Variants in PDE1A observed in about 807,000 individuals in gnomAD.
The protein encoded by PDE1A is dual specificity calcium/calmodulin-dependent 3',5'-cyclic nucleotide phosphodiesterase 1A.
A neutral mutation model predicts 61.7 loss-of-function variants in PDE1A; 35 were observed. The observed-to-expected ratio is 0.57, with a 90% CI of 0.43 to 0.75. PDE1A has a LOEUF of 0.75. PDE1A is among the 30% of genes least tolerant of loss of function. PDE1A has a pLI of 0.00. For synonymous variants in PDE1A, 232 were observed against 213.2 expected (o/e 1.09, Z -0.77); for missense variants, 597 against 630.6 (o/e 0.95, Z 0.57).
the PDE1A span, among the ~76,000 whole-genome samples, chr2:182,633,333 A>G: frequency 6.6e-6 from 1 of 152,214 alleles, no homozygotes; most frequent in African/African-American, 2.4e-5. Context: ...ACCCTGTTGC[A>G]TTCTGCTCCA....
chr2:182,429,893 T>C (rs922471193), upstream of PDE1A, among the ~76,000 whole-genome samples: 1 of 152,170 alleles, frequency 6.6e-6, no homozygotes, highest in Non-Finnish European at 1.5e-5. Flanking sequence ...GGAAAATGCA[T>C]GGGTCTGCAG....
intron 1 of PDE1A, among the ~76,000 whole-genome samples, chr2:182,415,919 C>A (rs1327477019): frequency 6.6e-6 from 1 of 152,148 alleles, no homozygotes; most frequent in African/African-American, 2.4e-5. Flanking sequence ...CAAAGAAGAA[C>A]CATATGCCTG....
At chr2:182,539,208 T>C in the PDE1A span, among the ~76,000 whole-genome samples, 400 of 152,336 alleles carry the variant, frequency 2.6e-3, 5 homozygotes, top group African/African-American at 9.2e-3. Flanking sequence ...ATGGTTTATT[T>C]TACTCATAGT....
chr2:182,434,800 G>T (rs1384280126), intron 2 of PDE1A, among the ~76,000 whole-genome samples: 1 of 151,838 alleles, frequency 6.6e-6, no homozygotes, highest in Non-Finnish European at 1.5e-5. Context: ...CTTTATACTA[G>T]ATTCCCTTGA....
intron 1 of PDE1A, among the ~76,000 whole-genome samples, chr2:182,380,329 G>A (rs1226491460): frequency 6.6e-6 from 1 of 151,716 alleles, no homozygotes; most frequent in African/African-American, 2.4e-5. Flanking sequence ...AGTCAGGATG[G>A]TCTCGATCTC....
intron 10 of PDE1A, among the ~76,000 whole-genome samples, chr2:182,193,476 C>A (rs1685883423): frequency 6.6e-6 from 1 of 151,974 alleles, no homozygotes; most frequent in Admixed American, 6.6e-5. Context: ...TGGAGACATT[C>A]TAAGGCTGAG....
the PDE1A span, among the ~76,000 whole-genome samples, chr2:182,601,964 C>A: frequency 2.6e-5 from 4 of 152,228 alleles, no homozygotes; most frequent in Admixed American, 2.6e-4. Flanking sequence ...GTGGGACTGG[C>A]AGCCCAGCCC....
chr2:182,201,713 T>G (rs373584098), exon 9 of PDE1A: 3 of 1,609,124 alleles, frequency 1.9e-6, no homozygotes, highest in Non-Finnish European at 2.5e-6. Context: ...AAACTGTTTC[T>G]TATATTTTTA....
the PDE1A span, among the ~76,000 whole-genome samples, chr2:182,692,421 A>G: frequency 1.3e-5 from 2 of 152,080 alleles, no homozygotes. Flanking sequence ...TTGCAAGGAT[A>G]AAAAACCAAA....
chr2:182,153,333 TG>T (rs1690893902), intron 13 of PDE1A, among the ~76,000 whole-genome samples: 1 of 152,056 alleles, frequency 6.6e-6, no homozygotes, highest in African/African-American at 2.4e-5. Flanking sequence ...ATGCTGTTAG[TG>T]AAGGGATGAG....
At chr2:182,376,919 G>A (rs571021378) in intron 1 of PDE1A, among the ~76,000 whole-genome samples, 32 of 152,252 alleles carry the variant, frequency 2.1e-4, no homozygotes, top group South Asian at 1.5e-3. Flanking sequence ...ATCAGATTTC[G>A]TGAGACTTAT....
the PDE1A span, among the ~76,000 whole-genome samples, chr2:182,712,502 A>G: frequency 1.3e-5 from 2 of 152,214 alleles, no homozygotes; most frequent in Non-Finnish European, 2.9e-5. Flanking sequence ...GGTTGAGGAA[A>G]CAAAATTACT....
At chr2:182,540,124 G>A in the PDE1A span, among the ~76,000 whole-genome samples, 1 of 152,116 alleles carries the variant, frequency 6.6e-6, no homozygotes, top group South Asian at 2.1e-4. Context: ...AGCACTTTGG[G>A]AGGCCGAGGC....
At chr2:182,475,470 T>A (rs923340756) in intron 2 of PDE1A, among the ~76,000 whole-genome samples, 3 of 151,946 alleles carry the variant, frequency 2.0e-5, no homozygotes, top group Non-Finnish European at 2.9e-5. Context: ...AGAAGTGATT[T>A]ATATTCCAAG....
At chr2:182,240,140 T>C (rs1298111741) in exon 3 of PDE1A, 7 of 1,613,894 alleles carry the variant, frequency 4.3e-6, no homozygotes, top group East Asian at 4.5e-5. Context: ...TTGAACAGCA[T>C]GCACAATGCT....
At chr2:182,670,731 C>T in the PDE1A span, among the ~76,000 whole-genome samples, 1 of 152,178 alleles carries the variant, frequency 6.6e-6, no homozygotes, top group Non-Finnish European at 1.5e-5. Flanking sequence ...AGCTTTAAGG[C>T]ACATAAGAAT....
chr2:182,280,092 A>G (rs931785491), intron 1 of PDE1A, among the ~76,000 whole-genome samples: 1 of 151,982 alleles, frequency 6.6e-6, no homozygotes, highest in Non-Finnish European at 1.5e-5. Flanking sequence ...TACAGTGTTC[A>G]TTACATAGCT....
At chr2:182,676,728 G>A in the PDE1A span, among the ~76,000 whole-genome samples, 1 of 152,102 alleles carries the variant, frequency 6.6e-6, no homozygotes, top group Non-Finnish European at 1.5e-5. Flanking sequence ...GAGCAAGTAG[G>A]CTTCCTCCCC....
chr2:182,257,984 G>A (rs976076008), intron 2 of PDE1A, among the ~76,000 whole-genome samples: 2 of 152,188 alleles, frequency 1.3e-5, no homozygotes, highest in East Asian at 3.9e-4. Context: ...TGGCTAACAC[G>A]GTGAAACCCC....
Sources: gnomAD v4.1 joint callset for allele counts (sites outside exome capture counted in the v4.1 genomes callset) on GRCh38, gnomAD v4.1.1 for gene constraint, MANE v1.5 for transcripts, NCBI Gene and HGNC (gene_info 2026-07-23, HGNC 2026-07-21) for gene names.